The following KIAA0513 variants were observed in gnomAD, a reference collection of about 807,000 sequenced individuals.
The protein encoded by KIAA0513 is uncharacterized protein KIAA0513.
In KIAA0513, 39 loss-of-function variants were observed where a neutral mutation model predicts 56.5. That is an observed-to-expected ratio of 0.69 (90% CI 0.53 to 0.90). The LOEUF is 0.90. KIAA0513 is among the 40% of genes least tolerant of loss of function. The pLI, the probability that KIAA0513 is intolerant of heterozygous loss-of-function variation, is 0.00. For synonymous variants in KIAA0513, 268 were observed against 215.6 expected (o/e 1.24, Z -2.13); for missense variants, 591 against 535.2 (o/e 1.10, Z -1.03).
At position 85,078,265 on chromosome 16, in the gene KIAA0513, A is replaced by G. The variant is rs974365179; in HGVS notation, c.783-150A>G. 3.0e-5 allele frequency: 22 copies of G among 727,348 alleles called. No homozygotes were observed. In the African/African-American group the frequency reaches 3.8e-4, roughly 12 times the overall value. 45.1% of individuals were successfully genotyped at this position (727,348 alleles called of 1,614,324 possible). ...CTGAATTCTGAAACACTGGCAGTTG[A>G]CAAATAGAGCCTTGATTTCATAAAA... On this transcript the variant is annotated intron_variant, in intron 6 of 12. Transcript: ENST00000683363.
intron 1 of KIAA0513, among the ~76,000 whole-genome samples, chr16:85,050,346 TA>T (rs200903227): frequency 0.052 from 6,345 of 122,338 alleles, 182 homozygotes; most frequent in Non-Finnish European, 0.065. Context: ...TTTATTTATT[TA>T]TTTATTTATT....
rs532801307 is a variant in KIAA0513 at position 85,088,463 on chromosome 16, G to T, written c.*138G>T. The T allele has an allele frequency of 2.9e-6, 2 of 680,342 alleles. No homozygotes were observed. Among genetic ancestry groups the T allele is most frequent in the East Asian group, 2.7e-5 (1 of 37,058 alleles). 42.1% of individuals were successfully genotyped at this position (680,342 alleles called of 1,614,324 possible). A position where few individuals can be genotyped will look rare whatever the true frequency, so the allele number is the denominator to read the frequency against. On this transcript the variant is annotated 3_prime_UTR_variant, in exon 13 of 13. Coordinates refer to ENST00000683363, the MANE Select transcript of KIAA0513 (RefSeq NM_001388359.1). Reference sequence around the variant, plus strand: ...CCACTCCTGCTGCCCTAGAACTAGCGGTTAGAAGAATCCGCTGTTCCTCCC... The same window carrying T: ...CCACTCCTGCTGCCCTAGAACTAGCTGTTAGAAGAATCCGCTGTTCCTCCC...
chr16:85,032,195 C>T (rs2072974666), intron 1 of KIAA0513, among the ~76,000 whole-genome samples: 1 of 152,222 alleles, frequency 6.6e-6, no homozygotes, highest in Non-Finnish European at 1.5e-5. Context: ...GCTGCATCAC[C>T]CCAGGGTCTG....
chr16:85,055,491 C>G (rs374501686), intron 1 of KIAA0513, among the ~76,000 whole-genome samples: 6 of 152,206 alleles, frequency 3.9e-5, no homozygotes, highest in Non-Finnish European at 7.3e-5. Flanking sequence ...CTTGCTAAAA[C>G]TCAGTGTACT....
intron 1 of KIAA0513, among the ~76,000 whole-genome samples, chr16:85,029,975 T>A (rs965986142): frequency 6.6e-6 from 1 of 152,164 alleles, no homozygotes. Flanking sequence ...AACCCAACCG[T>A]CTGACGCTGG....
At chr16:85,050,663 C>A (rs1165860228) in intron 1 of KIAA0513, among the ~76,000 whole-genome samples, 1 of 152,164 alleles carries the variant, frequency 6.6e-6, no homozygotes, top group Non-Finnish European at 1.5e-5. Context: ...CCTCCCCAAT[C>A]CCCTGGGGGC....
chr16:85,078,335 A>G lies in KIAA0513; in HGVS notation c.783-80A>G. On this transcript the variant is annotated intron_variant, in intron 6 of 12. Transcript: ENST00000683363. ...TATTAAATGTACCCAGTCCCACCTT[A>G]GAAGTGTAGAACAGCGTCTTTGAGT... 2 of 1,496,800 alleles carry G rather than the reference A, an allele frequency of 1.3e-6. 1 individual carries two copies. Among genetic ancestry groups the G allele is most frequent in the South Asian group, 2.3e-5 (2 of 87,598 alleles). The allele number at this position is 1,496,800 out of a possible 1,614,324, so 92.7% of individuals were successfully genotyped here. A position where few individuals can be genotyped will look rare whatever the true frequency, so the allele number is the denominator to read the frequency against.
chr16:85,037,830 C>T (rs1440649983), intron 1 of KIAA0513, among the ~76,000 whole-genome samples: 1 of 152,180 alleles, frequency 6.6e-6, no homozygotes, highest in Non-Finnish European at 1.5e-5. Flanking sequence ...GCATCTCTCA[C>T]GTCCTCTCTC....
chr16:85,034,600 G>T (rs150862140), intron 1 of KIAA0513, among the ~76,000 whole-genome samples: 1 of 152,140 alleles, frequency 6.6e-6, no homozygotes, highest in Admixed American at 6.5e-5. Flanking sequence ...AGGACTCACC[G>T]GAAGGAAGGC....
intron 1 of KIAA0513, among the ~76,000 whole-genome samples, chr16:85,058,273 C>T (rs2073357182): frequency 1.3e-5 from 2 of 152,202 alleles, no homozygotes; most frequent in African/African-American, 4.8e-5. Context: ...CTCTTCTCTT[C>T]ACCTAGTAGC....
At chr16:85,070,386 A>G (rs2073555402) in intron 2 of KIAA0513, among the ~76,000 whole-genome samples, 1 of 151,976 alleles carries the variant, frequency 6.6e-6, no homozygotes, top group Non-Finnish European at 1.5e-5. Flanking sequence ...CTGTCTCAAA[A>G]TGCATTTATG....
In KIAA0513 at chr16:85,067,326, G is replaced by A. The variant is rs752330530; in HGVS notation, c.255G>A (p.Glu85=). The change falls in exon 2 of 13, where the codon GAG becomes GAA. Residue 85 remains glutamate, a synonymous_variant. Coordinates refer to ENST00000683363, the MANE Select transcript of KIAA0513 (RefSeq NM_001388359.1). ...CCTTCTCCTCCAACCAGAGCACCGA[G>A]TCTACCCAGGATGAAGAGACCCTGG... ...NESFSSNQST[E]STQDEETLAL... The A allele has an allele frequency of 1.2e-6, 2 of 1,609,960 alleles. No individual in the cohort carries two copies. Among genetic ancestry groups the A allele is most frequent in the East Asian group, 2.2e-5 (1 of 44,508 alleles).
At position 85,092,904 on chromosome 16, in the gene KIAA0513, A is replaced by C. The variant is rs1172606033; in HGVS notation, c.*4579A>C. The C allele has an allele frequency of 6.6e-6, 1 of 152,238 alleles. No homozygotes were observed. The highest frequency in any genetic ancestry group is 2.4e-5 in the African/African-American group (1 of 41,464). 9.4% of individuals were successfully genotyped at this position (152,238 alleles called of 1,614,324 possible). A position where few individuals can be genotyped will look rare whatever the true frequency, so the allele number is the denominator to read the frequency against. ...GGTGCCTGAGACACCAAATGGAAGAAGCACATCAAGACTGTTCTCCTGCGG... is the reference window on the plus strand; with the variant it reads ...GGTGCCTGAGACACCAAATGGAAGACGCACATCAAGACTGTTCTCCTGCGG... On this transcript the variant is annotated 3_prime_UTR_variant, in exon 13 of 13. Coordinates refer to ENST00000683363, the MANE Select transcript of KIAA0513 (RefSeq NM_001388359.1).
rs1480733499 is a variant in KIAA0513 at position 85,093,350 on chromosome 16, A to G, written c.*5025A>G. ...CGATGGGCTGGGTTTGTTTACTCCAACTTCCCTTCTACACCCCTCCTGCAG... is the reference window on the plus strand; with the variant it reads ...CGATGGGCTGGGTTTGTTTACTCCAGCTTCCCTTCTACACCCCTCCTGCAG... On this transcript the variant is annotated 3_prime_UTR_variant, in exon 13 of 13. Transcript: ENST00000683363. The G allele has an allele frequency of 1.3e-5, 2 of 152,192 alleles. No individual in the cohort carries two copies. The highest frequency in any genetic ancestry group is 6.6e-5 in the Admixed American group (1 of 15,260). The allele number at this position is 152,192 out of a possible 1,614,324, so 9.4% of individuals were successfully genotyped here. A position where few individuals can be genotyped will look rare whatever the true frequency, so the allele number is the denominator to read the frequency against.
rs926953326 is a variant in KIAA0513, at chr16:85,045,031, C to T, written c.-173+17173C>T. The stretch of plus-strand genomic sequence containing the variant: ...TACTTGGGAGGCTGAGGCAGGAGAA[C>T]GGCGTGAACCTGGGAGGTGGAGCTT... On this transcript the variant is annotated intron_variant, in intron 1 of 12. Transcript: ENST00000683363. Among the ~76,000 whole-genome samples, 13 of 151,926 alleles carry T rather than the reference C, an allele frequency of 8.6e-5. No individual in the cohort carries two copies. The East Asian group carries it at 1.2e-3, about 14-fold the overall frequency.
intron 1 of KIAA0513, among the ~76,000 whole-genome samples, chr16:85,054,553 C>T (rs2073301535): frequency 6.6e-6 from 1 of 151,640 alleles, no homozygotes. Context: ...TCTCAGCCTC[C>T]CAAGTAGCTG....
intron 1 of KIAA0513, among the ~76,000 whole-genome samples, chr16:85,048,687 C>T (rs559233908): frequency 2.0e-5 from 3 of 152,238 alleles, no homozygotes; most frequent in South Asian, 4.1e-4. Context: ...AAGGCTGCAG[C>T]GAGCCAAGGT....
rs2073747627 is a variant in KIAA0513, at chr16:85,081,769, C to T, written c.980+377C>T. Among the ~76,000 whole-genome samples, 1 of 152,228 alleles carries T rather than the reference C, an allele frequency of 6.6e-6. No homozygotes were observed. Among genetic ancestry groups the T allele is most frequent in the South Asian group, 2.1e-4 (1 of 4,834 alleles). ...CTGGGAGGAAGGGCTGGCCACCATC[C>T]CCGAGACTGCCCTCGAGAGCTGGCG... On this transcript the variant is annotated intron_variant, in intron 9 of 12. Coordinates refer to ENST00000683363, the MANE Select transcript of KIAA0513 (RefSeq NM_001388359.1). This position sits in a 1 kb window ranked among gnomAD's most constrained non-coding sequence, Gnocchi z 4.4.
At chr16:85,088,134 C>T in intron 12 of KIAA0513, 142 bp from the exon 13 acceptor site, 1 of 732,568 alleles carries the variant, frequency 1.4e-6, no homozygotes. Flanking sequence ...AGCCGTGTGG[C>T]CTGCAGAAGG....
Sources: gnomAD v4.1 joint callset for allele counts (sites outside exome capture counted in the v4.1 genomes callset) on GRCh38, gnomAD v4.1.1 for gene constraint, Gnocchi (gnomAD v3.1) non-coding constraint, MANE v1.5 for transcripts, NCBI Gene and HGNC (gene_info 2026-07-23, HGNC 2026-07-21) for gene names.